RNF34: variants seen among roughly 807,000 people sequenced by gnomAD.
The protein encoded by RNF34 is ring finger protein 34, also known as E3 ubiquitin-protein ligase RNF34.
A neutral mutation model predicts 37.9 loss-of-function variants in RNF34; 12 were observed. The observed-to-expected ratio is 0.32, with a 90% confidence interval of 0.20 to 0.51. The LOEUF (loss-of-function observed/expected upper bound fraction) is 0.51, where lower values mean the gene tolerates loss of function less well. Among genes scored for constraint, RNF34 ranks in the 20% least tolerant of loss-of-function variants. The probability of loss-of-function intolerance (pLI) is 0.97; values close to 1 mark genes in which losing one functional copy is unlikely to be tolerated. For missense variants in RNF34, 362 were observed against 472.7 expected (o/e 0.77, Z 2.17); for synonymous variants, 155 against 177.2 (o/e 0.87, Z 1.00).
intron 1 of RNF34, chr12:121,402,862 T>G: frequency 1.5e-4 from 183 of 1,214,178 alleles, no homozygotes; most frequent in Non-Finnish European, 1.9e-4. Context: ...GTTTGGCCAA[T>G]GTCTTGTCTA....
Position 121,417,464 on chromosome 12 carries a change from G to A in RNF34, c.226-40G>A, listed in dbSNP as rs781928373. The A allele has an allele frequency of 6.4e-7, 1 of 1,558,858 alleles. No individual in the cohort carries two copies. Among genetic ancestry groups the A allele is most frequent in the East Asian group, 2.2e-5 (1 of 44,532 alleles). On this transcript the variant is annotated intron_variant, in intron 2 of 5. Transcript: ENST00000361234. The surrounding 1 kb of genome is among the most constrained non-coding windows in gnomAD (Gnocchi z 5.0). ...AAAGAAAACTCATGCTTTCATAATG[G>A]TTTATATCTTGCTGTCATCAAATGC...
At chr12:121,416,075 C>T (rs1593668578) in intron 1 of RNF34, 84 bp from the exon 2 acceptor site, 1 of 1,093,380 alleles carries the variant, frequency 9.1e-7, no homozygotes, top group East Asian at 2.4e-5. Context: ...GCAAACTTAC[C>T]TCTCCAGAAT....
intron 1 of RNF34, among the ~76,000 whole-genome samples, chr12:121,401,548 A>G (rs1463637373): frequency 6.6e-6 from 1 of 152,198 alleles, no homozygotes; most frequent in Non-Finnish European, 1.5e-5. Flanking sequence ...AATATCTATT[A>G]AAGTATCTAG....
chr12:121,402,604 C>A (rs1391619100), intron 1 of RNF34: 8 of 514,116 alleles, frequency 1.6e-5, no homozygotes, highest in Admixed American at 3.3e-5. Context: ...TGATTTAATC[C>A]TCTTTCCCAT....
At chr12:121,421,394 A>C (rs968374112) in intron 5 of RNF34, among the ~76,000 whole-genome samples, 2 of 149,826 alleles carry the variant, frequency 1.3e-5, no homozygotes, top group African/African-American at 2.4e-5. Context: ...AAAAAAAAAA[A>C]AAAACCAAAA....
intron 1 of RNF34, among the ~76,000 whole-genome samples, chr12:121,404,035 A>G (rs1555280346): frequency 6.8e-6 from 1 of 146,626 alleles, no homozygotes; most frequent in South Asian, 2.1e-4. Flanking sequence ...TTTTTTTTTG[A>G]GATGGAATCT....
chr12:121,412,987 G>C (rs1871233529), intron 1 of RNF34, among the ~76,000 whole-genome samples: 1 of 151,560 alleles, frequency 6.6e-6, no homozygotes, highest in Admixed American at 6.6e-5. Context: ...CCAAAGTGCT[G>C]GGATTACAGG....
In RNF34 at chr12:121,416,298, C is replaced by G. The variant is rs553418450; in HGVS notation, c.146C>G (p.Thr49Ser). 1 of 1,614,118 alleles carries G rather than the reference C, an allele frequency of 6.2e-7. No homozygotes were observed. The highest frequency in any genetic ancestry group is 8.5e-7 in the Non-Finnish European group (1 of 1,179,998). ...FRFTPNPEFS[T>S]YPPAATEGPN... ...TTTACACCAAACCCTGAGTTTTCCA[C>G]CTACCCACCAGCAGCTACGGAAGGG... Residue 49 changes from threonine to serine, a missense_variant, in exon 2 of 6, where the codon ACC (threonine) becomes AGC (serine). Transcript: ENST00000361234.
chr12:121,412,228 A>ATTTT (rs1871136551), intron 1 of RNF34, among the ~76,000 whole-genome samples: 2 of 124,950 alleles, frequency 1.6e-5, no homozygotes, highest in African/African-American at 6.7e-5. Flanking sequence ...TGCCCAACTA[A>ATTTT]TCTTTTTTTT....
At chr12:121,405,780 G>C (rs1472142606) in intron 1 of RNF34, among the ~76,000 whole-genome samples, 3 of 146,628 alleles carry the variant, frequency 2.0e-5, no homozygotes, top group African/African-American at 7.6e-5. Flanking sequence ...CACCGTGTCC[G>C]GCCTCTGTCT....
intron 1 of RNF34, among the ~76,000 whole-genome samples, chr12:121,400,420 C>CA (rs1869862935): frequency 6.6e-6 from 1 of 152,230 alleles, no homozygotes; most frequent in African/African-American, 2.4e-5. Context: ...CCTCCAGTGC[C>CA]ACCCCCGTCA....
chr12:121,421,384 A>ACAAC lies in RNF34; in HGVS notation c.928+606_928+607insCAAC, dbSNP rs1566236088. On this transcript the variant is annotated intron_variant, in intron 5 of 5. Transcript: ENST00000361234. ...AGATCCCATCTCTAAAAAAAAAAAA[A>ACAAC]AAAAAAAAAAAAAACCAAAAAAACC... Among the ~76,000 whole-genome samples the ACAAC allele has an allele frequency of 6.1e-5, 9 of 148,720 alleles. No homozygotes were observed. In the South Asian group the frequency reaches 6.7e-4, roughly 11 times the overall value.
intron 1 of RNF34, among the ~76,000 whole-genome samples, chr12:121,400,521 G>A (rs1869878114): frequency 6.6e-6 from 1 of 152,220 alleles, no homozygotes; most frequent in Admixed American, 6.5e-5. Context: ...CCTCCTCGGG[G>A]GCCTGAGGCA....
At chr12:121,416,597 G>A in intron 2 of RNF34, 1 of 483,254 alleles carries the variant, frequency 2.1e-6, no homozygotes, top group South Asian at 2.5e-5. Flanking sequence ...CCTTTCTCCT[G>A]AACTTTGACC....
chr12:121,402,707 A>C (rs1555280162), intron 1 of RNF34: 1 of 1,358,444 alleles, frequency 7.4e-7, no homozygotes, highest in Non-Finnish European at 1.0e-6. Flanking sequence ...TAATCTACTG[A>C]ATGTAATTCC....
At chr12:121,406,482 T>C (rs1011212644) in intron 1 of RNF34, among the ~76,000 whole-genome samples, 12 of 152,184 alleles carry the variant, frequency 7.9e-5, no homozygotes, top group Non-Finnish European at 1.8e-4. Flanking sequence ...AGATGGCGTT[T>C]CACCACGTTG....
At chr12:121,403,876 AAG>A (rs1416145495) in intron 1 of RNF34, among the ~76,000 whole-genome samples, 3 of 151,176 alleles carry the variant, frequency 2.0e-5, no homozygotes, top group Non-Finnish European at 4.5e-5. Flanking sequence ...GTTTAATAAA[AAG>A]TGAATGACTG....
intron 1 of RNF34, among the ~76,000 whole-genome samples, chr12:121,401,906 A>C (rs1039491516): frequency 1.3e-5 from 2 of 152,228 alleles, no homozygotes; most frequent in Admixed American, 1.3e-4. Context: ...GCCAGATGAC[A>C]GTTATAAATG....
intron 5 of RNF34, among the ~76,000 whole-genome samples, chr12:121,421,371 T>TACAAAAAAAAAAAA (rs35925457): frequency 2.2e-5 from 1 of 46,368 alleles, no homozygotes; most frequent in African/African-American, 6.8e-5. Flanking sequence ...ATCCCATCTC[T>TACAAAAAAAAAAAA]AAAAAAAAAA....
Sources: allele counts gnomAD v4.1 joint callset (sites outside exome capture counted in the v4.1 genomes callset), GRCh38; gene constraint gnomAD v4.1.1; non-coding constraint Gnocchi (gnomAD v3.1); transcripts MANE v1.5; gene names NCBI Gene and HGNC (gene_info 2026-07-23, HGNC 2026-07-21).